The following THAP5 variants were observed in gnomAD, a reference collection of about 807,000 sequenced individuals.
THAP5 encodes the protein THAP domain containing 5.
In THAP5, 26 loss-of-function variants were observed where a neutral mutation model predicts 34.0. That is an observed-to-expected ratio of 0.77 (90% confidence interval 0.56 to 1.06). The LOEUF is 1.06. THAP5 is among the 50% of genes least tolerant of loss of function. THAP5 has a pLI of 0.00. For synonymous variants in THAP5, 125 were observed against 153.0 expected, an observed-to-expected ratio of 0.82 and a Z score of 1.35; for missense variants, 394 against 452.8, an observed-to-expected ratio of 0.87 and a Z score of 1.18.
chr7:108,556,092 A>G (rs961878107), intron 1 of THAP5, among the ~76,000 whole-genome samples: 13 of 152,166 alleles, frequency 8.5e-5, no homozygotes, highest in African/African-American at 2.4e-4. Context: ...CTCATTCACT[A>G]TCATGAGAAC....
At chr7:108,567,774 A>G (rs1790517671) in intron 1 of THAP5, among the ~76,000 whole-genome samples, 1 of 152,230 alleles carries the variant, frequency 6.6e-6, no homozygotes, top group Admixed American at 6.5e-5. Flanking sequence ...GGAGAATAAA[A>G]CTAATTCAAT....
At chr7:108,546,941 T>G in the THAP5 span, among the ~76,000 whole-genome samples, 1 of 152,184 alleles carries the variant, frequency 6.6e-6, no homozygotes, top group Non-Finnish European at 1.5e-5. Context: ...CCTCCTATAT[T>G]AAGGAACATT....
In THAP5 at chr7:108,563,790, C is replaced by T. The variant is rs1002930134; in HGVS notation, c.*401G>A. The T allele has an allele frequency of 6.4e-6, 1 of 155,814 alleles. No homozygotes were observed. The highest frequency in any genetic ancestry group is 1.4e-5 in the Non-Finnish European group (1 of 70,628). The allele number at this position is 155,814 out of a possible 1,614,324, so 9.7% of individuals were successfully genotyped here. On this transcript the variant is annotated 3_prime_UTR_variant, in exon 3 of 3. Coordinates refer to ENST00000415914, the MANE Select transcript of THAP5 (RefSeq NM_001130475.3). ...GGACTATAAATAACCAATTACAAAT[C>T]CAGTAAGTGCTTATTTTACAAATTA...
rs1302945953 is a variant in THAP5, at chr7:108,565,889, T to A, written c.214A>T (p.Ile72Phe). ...ACTGCAGTTTGTTTTAAATATCGAATACCCCATCTGATGTCAAGAGAGTCA... is the reference window on the plus strand; with the variant it reads ...ACTGCAGTTTGTTTTAAATATCGAAAACCCCATCTGATGTCAAGAGAGTCA... ...TPDSLDIRWG[I>F]RYLKQTAVPT... The change falls in exon 2 of 3, where the codon ATT (isoleucine) becomes TTT (phenylalanine). Residue 72 changes from isoleucine (I) to phenylalanine (F), a missense_variant. Ile to Phe is a conservative substitution (Grantham distance 21, BLOSUM62 0). Coordinates refer to ENST00000415914, the MANE Select transcript of THAP5 (RefSeq NM_001130475.3). The A allele has an allele frequency of 1.9e-6, 3 of 1,548,428 alleles. No homozygotes were observed. In the African/African-American group the frequency reaches 4.1e-5, roughly 21 times the overall value.
intron 1 of THAP5, chr7:108,554,966 A>C (rs1024665901): frequency 2.0e-5 from 3 of 152,132 alleles, no homozygotes; most frequent in African/African-American, 7.2e-5. Context: ...TTTAGCCATA[A>C]ATTTTCCAGG....
chr7:108,550,140 T>C (rs1313189821), downstream of THAP5, among the ~76,000 whole-genome samples: 1 of 152,218 alleles, frequency 6.6e-6, no homozygotes, highest in Non-Finnish European at 1.5e-5. Context: ...AGGCAATTTT[T>C]TGAGACCTTG....
At position 108,564,551 on chromosome 7, in the gene THAP5, T is replaced by C. The variant is rs776220737; in HGVS notation, c.828A>G (p.Val276=). The C allele has an allele frequency of 1.9e-6, 3 of 1,613,728 alleles. No homozygotes were observed. The highest frequency in any genetic ancestry group is 4.5e-5 in the East Asian group (2 of 44,826). ...TNKESVIAIF[V]PAENSKPSVN... ...CTGAGGGTTTAGAATTTTCAGCAGG[T>C]ACAAAAATGGCAATAACAGATTCTT... Residue 276 remains valine, a synonymous_variant, in exon 3 of 3, where the codon GTA becomes GTG. Transcript: ENST00000415914.
rs1032353704 is a variant in THAP5 at position 108,565,118 on chromosome 7, A to T, written c.274-13T>A. 6.8e-7 allele frequency: 1 copy of T among 1,476,638 alleles called. No homozygotes were observed. The highest frequency in any genetic ancestry group is 9.0e-7 in the Non-Finnish European group (1 of 1,114,360). 91.5% of individuals were successfully genotyped at this position (1,476,638 alleles called of 1,614,324 possible). A position where few individuals can be genotyped will look rare whatever the true frequency, so the allele number is the denominator to read the frequency against. ...AAGGGTCTTTTCCCTAGAAAATAAT[A>T]TTTTCATGTTCTGAAAAAGATGACT... On this transcript the variant is annotated splice_polypyrimidine_tract_variant and intron_variant, in intron 2 of 2. Transcript: ENST00000415914.
intron 1 of THAP5, among the ~76,000 whole-genome samples, chr7:108,566,354 T>C (rs1381786291): frequency 6.6e-6 from 1 of 152,236 alleles, no homozygotes; most frequent in African/African-American, 2.4e-5. Context: ...CATTTTTATA[T>C]TGCTGTACAG....
chr7:108,566,149 C>T lies in THAP5; in HGVS notation c.81-127G>A, dbSNP rs1286555883. 5.8e-6 allele frequency: 4 copies of T among 685,138 alleles called. No homozygotes were observed. The East Asian group carries it at 1.1e-4, about 19-fold the overall frequency. 42.4% of individuals were successfully genotyped at this position (685,138 alleles called of 1,614,324 possible). On this transcript the variant is annotated intron_variant, in intron 1 of 2. Coordinates refer to ENST00000415914, the MANE Select transcript of THAP5 (RefSeq NM_001130475.3). ...GTAAGTACTACAAGAGGAAGGCAAC[C>T]ATCCCTACCAAATAAGAGCATCTTC...
At chr7:108,553,574 T>A (rs775441074), downstream of THAP5, among the ~76,000 whole-genome samples, 3 of 152,208 alleles carry the variant, frequency 2.0e-5, no homozygotes, top group Non-Finnish European at 4.4e-5. Context: ...GTGACTGAAT[T>A]GTAAGAACTT....
the THAP5 span, among the ~76,000 whole-genome samples, chr7:108,543,442 T>C: frequency 2.0e-5 from 3 of 152,096 alleles, no homozygotes; most frequent in African/African-American, 7.2e-5. Context: ...AAGGGAAGAA[T>C]AGGTTCTGCC....
At chr7:108,559,713 C>G (rs1338685790), downstream of THAP5, among the ~76,000 whole-genome samples, 4 of 152,146 alleles carry the variant, frequency 2.6e-5, no homozygotes, top group African/African-American at 9.7e-5. Context: ...AACTTACAAT[C>G]ATAGCATAAG....
At chr7:108,547,434 G>A in the THAP5 span, among the ~76,000 whole-genome samples, 1 of 152,092 alleles carries the variant, frequency 6.6e-6, no homozygotes, top group Non-Finnish European at 1.5e-5. Flanking sequence ...CTAAAGATTA[G>A]GTTCTCTCTG....
At chr7:108,548,345 T>C in the THAP5 span, among the ~76,000 whole-genome samples, 1 of 152,166 alleles carries the variant, frequency 6.6e-6, no homozygotes, top group Admixed American at 6.5e-5. Context: ...ACAATGAAGC[T>C]AAAAAGCTCA....
the THAP5 span, among the ~76,000 whole-genome samples, chr7:108,544,559 A>G: frequency 6.6e-6 from 1 of 151,804 alleles, no homozygotes; most frequent in Non-Finnish European, 1.5e-5. Flanking sequence ...AAAACAAAGA[A>G]GGTCATTGAT....
chr7:108,547,325 T>C, the THAP5 span, among the ~76,000 whole-genome samples: 8 of 152,224 alleles, frequency 5.3e-5, no homozygotes, highest in Admixed American at 2.6e-4. Context: ...CTCAATGAAA[T>C]TAACCTCATT....
At chr7:108,557,408 A>G (rs918936091), downstream of THAP5, among the ~76,000 whole-genome samples, 3 of 152,236 alleles carry the variant, frequency 2.0e-5, no homozygotes, top group East Asian at 1.9e-4. Flanking sequence ...GCATATAAGT[A>G]TATGCTGTTA....
chr7:108,567,779 T>A (rs892815343), intron 1 of THAP5, among the ~76,000 whole-genome samples: 2 of 152,226 alleles, frequency 1.3e-5, no homozygotes, highest in African/African-American at 4.8e-5. Context: ...ATAAAACTAA[T>A]TCAATTTTTA....
Sources: gnomAD v4.1 joint callset for allele counts (sites outside exome capture counted in the v4.1 genomes callset) on GRCh38, gnomAD v4.1.1 for gene constraint, MANE v1.5 for transcripts, NCBI Gene and HGNC (gene_info 2026-07-23, HGNC 2026-07-21) for gene names.